FRMD4A: variants seen among roughly 807,000 people sequenced by gnomAD.
FRMD4A encodes the protein FERM domain-containing protein 4A.
Under a neutral mutation model 129.1 loss-of-function variants are expected in FRMD4A, and 29 were observed. That is an observed-to-expected ratio of 0.22 (90% CI 0.17 to 0.31). FRMD4A has a LOEUF of 0.31. FRMD4A is among the 10% of genes least tolerant of loss of function. The pLI is 1.00. For synonymous variants in FRMD4A, 634 were observed against 571.6 expected, an observed-to-expected ratio of 1.11 and a Z score of -1.56; for missense variants, 1,272 against 1,375.8, an observed-to-expected ratio of 0.92 and a Z score of 1.19.
chr10:14,306,850 C>T lies in FRMD4A; in HGVS notation c.45+23208G>A, dbSNP rs569182635. On this transcript the variant is annotated intron_variant, in intron 2 of 24. Transcript: ENST00000357447. Reference sequence around the variant, plus strand: ...AAGCCATGATTTTACTTTATATATTCGAAACTCTGAAACTAAAGCAATTTT... The same window carrying T: ...AAGCCATGATTTTACTTTATATATTTGAAACTCTGAAACTAAAGCAATTTT... Among the ~76,000 whole-genome samples the T allele has an allele frequency of 1.1e-4, 16 of 152,218 alleles. No individual in the cohort carries two copies. The East Asian group carries it at 1.9e-3, about 18-fold the overall frequency.
At chr10:13,828,600 T>G (rs985880155) in intron 3 of FRMD4A, among the ~76,000 whole-genome samples, 3 of 150,878 alleles carry the variant, frequency 2.0e-5, no homozygotes, top group African/African-American at 7.3e-5. Context: ...TGGCACCATC[T>G]TGGCTCACTG....
chr10:14,109,211 GAAA>G (rs34937254), intron 2 of FRMD4A, among the ~76,000 whole-genome samples: 2 of 114,280 alleles, frequency 1.8e-5, no homozygotes, highest in African/African-American at 3.2e-5. Context: ...AAGCATCTCA[GAAA>G]AAAAAAAAAA....
chr10:13,726,878 G>A (rs1453545156), intron 12 of FRMD4A, among the ~76,000 whole-genome samples: 4 of 151,866 alleles, frequency 2.6e-5, no homozygotes. Context: ...ACAGGTGTGA[G>A]CCACCTAGCC....
intron 2 of FRMD4A, among the ~76,000 whole-genome samples, chr10:14,256,363 T>A (rs1328457426): frequency 1.3e-5 from 2 of 152,140 alleles, no homozygotes; most frequent in East Asian, 3.8e-4. Flanking sequence ...CTCCCCCAAA[T>A]CATGCATTGG....
At chr10:14,117,415 C>G (rs1468494247) in intron 2 of FRMD4A, among the ~76,000 whole-genome samples, 1 of 152,214 alleles carries the variant, frequency 6.6e-6, no homozygotes. Context: ...GACCAGTGCC[C>G]TCTACTTCTG....
chr10:14,293,891 A>G (rs1180082411), intron 2 of FRMD4A, among the ~76,000 whole-genome samples: 1 of 152,228 alleles, frequency 6.6e-6, no homozygotes, highest in Non-Finnish European at 1.5e-5. Context: ...ACAATTGCAC[A>G]TTATATATCA....
intron 3 of FRMD4A, among the ~76,000 whole-genome samples, chr10:13,852,499 A>G (rs2094153323): frequency 6.6e-6 from 1 of 152,148 alleles, no homozygotes; most frequent in Admixed American, 6.6e-5. Flanking sequence ...CTGGGATTAC[A>G]GGCATGAGCC....
chr10:14,102,498 C>G (rs1038672045), intron 2 of FRMD4A, among the ~76,000 whole-genome samples: 3 of 152,302 alleles, frequency 2.0e-5, no homozygotes, highest in African/African-American at 7.2e-5. Flanking sequence ...CTCATTCACC[C>G]AGCTCTTCAT....
intron 2 of FRMD4A, among the ~76,000 whole-genome samples, chr10:13,893,523 A>ATT (rs532064640): frequency 6.6e-6 from 1 of 151,092 alleles, no homozygotes; most frequent in Non-Finnish European, 1.5e-5. Flanking sequence ...GACCTACAAC[A>ATT]TTTTTTTTTC....
chr10:13,669,122 C>T (rs1003581826), intron 17 of FRMD4A, among the ~76,000 whole-genome samples: 13 of 135,898 alleles, frequency 9.6e-5, no homozygotes, highest in African/African-American at 3.4e-4. Flanking sequence ...AGTGCAGTGG[C>T]GCAACCTTGG....
At chr10:14,237,467 A>T (rs1589213882) in intron 2 of FRMD4A, among the ~76,000 whole-genome samples, 1 of 152,078 alleles carries the variant, frequency 6.6e-6, no homozygotes, top group East Asian at 1.9e-4. Context: ...AGTAGCTGGG[A>T]TTACAGGCCC....
intron 9 of FRMD4A, among the ~76,000 whole-genome samples, chr10:13,746,181 A>G (rs563623216): frequency 7.9e-5 from 12 of 151,930 alleles, no homozygotes; most frequent in African/African-American, 2.9e-4. Context: ...GTGGTCTCTC[A>G]GAGAGATGTG....
intron 8 of FRMD4A, among the ~76,000 whole-genome samples, chr10:13,755,677 A>T (rs138437295): frequency 1.1e-3 from 172 of 152,300 alleles, no homozygotes; most frequent in African/African-American, 3.8e-3. Flanking sequence ...TCTAAAAGCA[A>T]GCTGTTTTTC....
chr10:14,016,256 A>G (rs571374633), intron 2 of FRMD4A, among the ~76,000 whole-genome samples: 1 of 152,174 alleles, frequency 6.6e-6, no homozygotes, highest in East Asian at 1.9e-4. Context: ...CTAAATCTTT[A>G]TCATAGCAAG....
chr10:13,913,385 A>G (rs911693591), intron 2 of FRMD4A, among the ~76,000 whole-genome samples: 2 of 152,196 alleles, frequency 1.3e-5, no homozygotes, highest in Admixed American at 1.3e-4. Context: ...GACTGTGAAT[A>G]TACTACAAAT....
Position 14,188,428 on chromosome 10 carries a change from G to A in FRMD4A, c.45+141630C>T, listed in dbSNP as rs1169458113. On this transcript the variant is annotated intron_variant, in intron 2 of 24. Transcript: ENST00000357447. ...TTCACTTTGGCTTTTAGAATCATGT[G>A]CCGTCTCCTTTCCTATTTGCCTCCC... 3.3e-5 allele frequency among the ~76,000 whole-genome samples: 5 copies of A among 152,100 alleles called. No homozygotes were observed. In the East Asian group the frequency reaches 9.6e-4, roughly 29 times the overall value.
At chr10:14,282,067 G>A (rs1845539183) in intron 2 of FRMD4A, among the ~76,000 whole-genome samples, 1 of 152,144 alleles carries the variant, frequency 6.6e-6, no homozygotes, top group Admixed American at 6.5e-5. Flanking sequence ...GAAAGAATGA[G>A]AACCAAGCAA....
intron 2 of FRMD4A, among the ~76,000 whole-genome samples, chr10:13,968,535 C>A (rs2095498883): frequency 6.6e-6 from 1 of 152,256 alleles, no homozygotes; most frequent in African/African-American, 2.4e-5. Context: ...TCACTGCAAC[C>A]TCCACCTCCT....
intron 2 of FRMD4A, among the ~76,000 whole-genome samples, chr10:13,903,588 T>C (rs984645841): frequency 1.3e-5 from 2 of 150,542 alleles, no homozygotes; most frequent in African/African-American, 4.9e-5. Context: ...TAAATAAAAA[T>C]TAGCCAGGTG....
Sources: gnomAD v4.1 joint callset for allele counts (sites outside exome capture counted in the v4.1 genomes callset) on GRCh38, gnomAD v4.1.1 for gene constraint, MANE v1.5 for transcripts, NCBI Gene and HGNC (gene_info 2026-07-23, HGNC 2026-07-21) for gene names.